NEO1: variants seen among roughly 807,000 people sequenced by gnomAD.
NEO1 encodes the protein neogenin 1.
NEO1 carries 63 observed loss-of-function variants against 159.7 expected under a neutral mutation model. The ratio of observed to expected loss-of-function variants is 0.39; its 90% confidence interval spans 0.32 to 0.49. The LOEUF (loss-of-function observed/expected upper bound fraction) is 0.49. Among genes scored for constraint, NEO1 ranks in the 20% least tolerant of loss-of-function variants. The pLI is 0.85. For missense variants in NEO1, 1,615 were observed against 1,831.0 expected, an observed-to-expected ratio of 0.88 and a Z score of 2.15; for synonymous variants, 633 against 662.0, an observed-to-expected ratio of 0.96 and a Z score of 0.67.
intron 5 of NEO1, among the ~76,000 whole-genome samples, chr15:73,173,725 G>A (rs1472617689): frequency 1.3e-5 from 2 of 152,186 alleles, no homozygotes; most frequent in African/African-American, 2.4e-5. Context: ...TTGGCAGCAT[G>A]TATAGCTTAC....
intron 10 of NEO1, 82 bp downstream of exon 10, chr15:73,249,290 C>T (rs1357712760): frequency 2.6e-5 from 37 of 1,424,250 alleles, no homozygotes; most frequent in Admixed American, 5.9e-5. Context: ...AGTTGCTTGA[C>T]TGGAAATGTG....
At chr15:73,278,093 G>A (rs145684270) in intron 21 of NEO1, 38 bp from the exon 22 acceptor site, 17 of 1,582,424 alleles carry the variant, frequency 1.1e-5, no homozygotes, top group Middle Eastern at 1.7e-4. Context: ...CACGCCAAAT[G>A]TGTGGGGTCA....
intron 1 of NEO1, among the ~76,000 whole-genome samples, chr15:73,108,961 G>T (rs2070829988): frequency 6.6e-6 from 1 of 152,144 alleles, no homozygotes; most frequent in Admixed American, 6.5e-5. Context: ...AGATTAGGTT[G>T]GAGAGAGGCA....
In NEO1 at chr15:73,154,902, GT is replaced by G. The variant is rs543259913; in HGVS notation, c.1015+18879del. Among the ~76,000 whole-genome samples the G allele has an allele frequency of 8.9e-4, 135 of 151,944 alleles. 1 individual carries two copies. The highest frequency in any genetic ancestry group is 3.2e-3 in the African/African-American group (131 of 41,484). On this transcript the variant is annotated intron_variant, in intron 5 of 28. Transcript: ENST00000261908. The stretch of plus-strand genomic sequence containing the variant: ...TTACATTGTGAATTGTTTTCTAGTT[GT>G]TTTATAAATTTGTTGTTTCTTCTTC...
intron 7 of NEO1, among the ~76,000 whole-genome samples, chr15:73,217,247 C>T (rs1331683054): frequency 2.0e-5 from 3 of 150,354 alleles, no homozygotes; most frequent in Non-Finnish European, 3.0e-5. Flanking sequence ...TGTAGATATG[C>T]AGTGTTATTT....
chr15:73,255,865 A>C (rs2040318047), intron 13 of NEO1: 1 of 152,176 alleles, frequency 6.6e-6, no homozygotes, highest in East Asian at 1.9e-4. Flanking sequence ...GATGAATTTG[A>C]GACTAGTACA....
At chr15:73,151,219 G>T (rs1472334641) in intron 5 of NEO1, among the ~76,000 whole-genome samples, 1 of 152,196 alleles carries the variant, frequency 6.6e-6, no homozygotes, top group East Asian at 1.9e-4. Flanking sequence ...AATACTTTAC[G>T]ATTGCATATT....
intron 25 of NEO1, 68 bp from the exon 26 acceptor site, chr15:73,293,322 T>C (rs2042228118): frequency 1.3e-6 from 2 of 1,591,814 alleles, no homozygotes; most frequent in Non-Finnish European, 8.6e-7. Context: ...GACTTTGCTC[T>C]TAAACTGTGA....
intron 7 of NEO1, among the ~76,000 whole-genome samples, chr15:73,225,039 T>C (rs1275373958): frequency 1.3e-5 from 2 of 152,160 alleles, no homozygotes; most frequent in Non-Finnish European, 2.9e-5. Context: ...GGATGTGGCT[T>C]CCTGAGAGCC....
At chr15:73,208,983 TTCTC>T (rs1383104406) in intron 7 of NEO1, among the ~76,000 whole-genome samples, 1 of 152,210 alleles carries the variant, frequency 6.6e-6, no homozygotes, top group African/African-American at 2.4e-5. Flanking sequence ...ATATAGTTCT[TTCTC>T]TGAGTCTCCT....
chr15:73,084,883 C>A (rs1304575956), intron 1 of NEO1, among the ~76,000 whole-genome samples: 1 of 151,856 alleles, frequency 6.6e-6, no homozygotes, highest in African/African-American at 2.4e-5. Flanking sequence ...TAGGTTTCAT[C>A]TTTAGGTAAT....
intron 7 of NEO1, among the ~76,000 whole-genome samples, chr15:73,212,189 C>G (rs1407691466): frequency 6.6e-6 from 1 of 152,170 alleles, no homozygotes; most frequent in African/African-American, 2.4e-5. Flanking sequence ...GAGTGTAAAT[C>G]TCCTATTGCC....
Position 73,238,281 on chromosome 15 carries a change from T to G in NEO1, c.1451+1775T>G, listed in dbSNP as rs1243437241. Among the ~76,000 whole-genome samples, 56 of 136,390 alleles carry G rather than the reference T, an allele frequency of 4.1e-4. No individual in the cohort carries two copies. The South Asian group carries it at 9.8e-3, about 24-fold the overall frequency. The allele number at this position is 136,390 out of a possible 152,430, so 89.5% of individuals were successfully genotyped here. On this transcript the variant is annotated intron_variant, in intron 8 of 28. Transcript: ENST00000261908. ...TCGCTTTTAGTTTGGGTTTTTTTTT[T>G]TTTTTTTTTTTTTTTTTTTGAGAGC... is the stretch of plus-strand genomic sequence containing the variant.
chr15:73,288,647 TC>T, intron 24 of NEO1, 96 bp downstream of exon 24: 4 of 989,884 alleles, frequency 4.0e-6, no homozygotes, highest in Non-Finnish European at 6.2e-6. Context: ...ATTTGGCAAT[TC>T]CTATATGAGA....
At chr15:73,183,496 C>T (rs1273734766) in intron 7 of NEO1, among the ~76,000 whole-genome samples, 4 of 152,148 alleles carry the variant, frequency 2.6e-5, no homozygotes, top group Non-Finnish European at 5.9e-5. Flanking sequence ...CAGGATTCTA[C>T]ACTGATACCA....
chr15:73,236,247 G>T, intron 7 of NEO1, 100 bp from the exon 8 acceptor site: 3 of 1,525,090 alleles, frequency 2.0e-6, no homozygotes, highest in Non-Finnish European at 1.8e-6. Flanking sequence ...AAACCGTCGT[G>T]GTTTGCCCTT....
intron 5 of NEO1, among the ~76,000 whole-genome samples, chr15:73,148,585 C>A (rs1304747268): frequency 6.6e-6 from 1 of 152,176 alleles, no homozygotes; most frequent in Non-Finnish European, 1.5e-5. Flanking sequence ...TTCATATAAA[C>A]CCAGTTTACA....
intron 7 of NEO1, among the ~76,000 whole-genome samples, chr15:73,232,404 A>G (rs1449873819): frequency 6.6e-6 from 1 of 152,204 alleles, no homozygotes; most frequent in African/African-American, 2.4e-5. Context: ...GTTATGCTCA[A>G]ATACCTCAAG....
intron 1 of NEO1, among the ~76,000 whole-genome samples, chr15:73,083,494 G>A (rs1001823092): frequency 2.0e-5 from 3 of 151,986 alleles, no homozygotes; most frequent in Admixed American, 6.5e-5. Context: ...TAGCCCCAGC[G>A]TTCAGTTCAC....
Sources: allele counts gnomAD v4.1 joint callset (sites outside exome capture counted in the v4.1 genomes callset), GRCh38; gene constraint gnomAD v4.1.1; transcripts MANE v1.5; gene names NCBI Gene and HGNC (gene_info 2026-07-23, HGNC 2026-07-21).